The following SUGCT variants were observed in gnomAD, a reference collection of about 807,000 sequenced individuals.
SUGCT encodes the protein succinyl-CoA:glutarate-CoA transferase, also known as succinyl-CoA:glutarate CoA-transferase.
A neutral mutation model predicts 55.0 loss-of-function variants in SUGCT; 41 were observed. That is an observed-to-expected ratio of 0.74 (90% CI 0.58 to 0.97). The LOEUF is 0.97. Ranked by LOEUF, SUGCT falls within the 50% of genes least tolerant of loss-of-function variation. The pLI, the probability that SUGCT is intolerant of heterozygous loss-of-function variation, is 0.00. For synonymous variants in SUGCT, 187 were observed against 200.4 expected, an observed-to-expected ratio of 0.93 and a Z score of 0.56; for missense variants, 568 against 547.8, an observed-to-expected ratio of 1.04 and a Z score of -0.37.
At chr7:40,751,336 G>T (rs190522480) in intron 13 of SUGCT, among the ~76,000 whole-genome samples, 1 of 152,060 alleles carries the variant, frequency 6.6e-6, no homozygotes, top group Non-Finnish European at 1.5e-5. Context: ...GTTTTCTCTC[G>T]TTTTAAGTAG....
the SUGCT span, among the ~76,000 whole-genome samples, chr7:40,920,522 C>T: frequency 3.3e-5 from 5 of 152,162 alleles, no homozygotes; most frequent in Admixed American, 2.6e-4. Context: ...CATTTGGAAG[C>T]GAGGTGGTCC....
chr7:40,959,771 G>A, the SUGCT span, among the ~76,000 whole-genome samples: 2 of 152,140 alleles, frequency 1.3e-5, no homozygotes, highest in South Asian at 4.2e-4. Context: ...AGGTCACCCA[G>A]CTTTGTGCTT....
At chr7:40,176,904 C>T (rs918395328) in intron 1 of SUGCT, among the ~76,000 whole-genome samples, 2 of 132,016 alleles carry the variant, frequency 1.5e-5, no homozygotes, top group East Asian at 2.3e-4. Flanking sequence ...ACCTGGGAAG[C>T]GGAGATTGCA....
intron 12 of SUGCT, among the ~76,000 whole-genome samples, chr7:40,697,922 G>C (rs1461689910): frequency 6.6e-6 from 1 of 152,226 alleles, no homozygotes; most frequent in Admixed American, 6.5e-5. Context: ...ATACCCAGCA[G>C]AGAAGTTAAC....
At chr7:40,621,442 C>G (rs547706507) in intron 12 of SUGCT, among the ~76,000 whole-genome samples, 1 of 152,260 alleles carries the variant, frequency 6.6e-6, no homozygotes, top group Admixed American at 6.5e-5. Context: ...CGCACAAAGT[C>G]TCCAGGGAAG....
chr7:40,911,819 G>T, the SUGCT span, among the ~76,000 whole-genome samples: 378 of 152,230 alleles, frequency 2.5e-3, no homozygotes, highest in African/African-American at 8.6e-3. Context: ...TCTTGGTCTT[G>T]TTTCTTACAT....
At chr7:40,755,019 C>A (rs762971237) in intron 13 of SUGCT, among the ~76,000 whole-genome samples, 2 of 151,822 alleles carry the variant, frequency 1.3e-5, no homozygotes, top group Non-Finnish European at 2.9e-5. Flanking sequence ...TGCCTGGCAC[C>A]CTGGAGGAGC....
chr7:40,331,093 C>T (rs1027683373), intron 9 of SUGCT, among the ~76,000 whole-genome samples: 4 of 151,944 alleles, frequency 2.6e-5, no homozygotes, highest in Non-Finnish European at 4.4e-5. Flanking sequence ...AAAAAAATCT[C>T]GTAATATTGT....
intron 9 of SUGCT, among the ~76,000 whole-genome samples, chr7:40,340,828 G>A (rs1017998535): frequency 1.3e-5 from 2 of 152,066 alleles, no homozygotes; most frequent in African/African-American, 4.8e-5. Context: ...GTGCTCACGG[G>A]GAAAAAAGGA....
At chr7:40,405,202 A>G (rs1217005444) in intron 9 of SUGCT, among the ~76,000 whole-genome samples, 1 of 152,188 alleles carries the variant, frequency 6.6e-6, no homozygotes, top group African/African-American at 2.4e-5. Context: ...CAGTATACTC[A>G]TGGCTGGAAG....
At chr7:40,366,483 C>A (rs1240266175) in intron 9 of SUGCT, among the ~76,000 whole-genome samples, 2 of 152,028 alleles carry the variant, frequency 1.3e-5, no homozygotes, top group Admixed American at 6.6e-5. Context: ...AGGCAACCTA[C>A]AAAATGGGAG....
the SUGCT span, among the ~76,000 whole-genome samples, chr7:40,875,654 G>T: frequency 6.6e-6 from 1 of 152,190 alleles, no homozygotes; most frequent in Admixed American, 6.5e-5. Flanking sequence ...CTTCCTGTAA[G>T]TCTACAAGTG....
chr7:40,804,850 C>T (rs1791008121), intron 13 of SUGCT, among the ~76,000 whole-genome samples: 1 of 152,166 alleles, frequency 6.6e-6, no homozygotes. Flanking sequence ...GCTGATTCTG[C>T]ACCCATGTGG....
the SUGCT span, among the ~76,000 whole-genome samples, chr7:40,939,741 T>G: frequency 1.3e-5 from 2 of 152,184 alleles, no homozygotes; most frequent in African/African-American, 2.4e-5. Context: ...GATTGCATTT[T>G]TCTTGCTGAT....
chr7:40,757,456 C>T (rs1022903557), intron 13 of SUGCT, among the ~76,000 whole-genome samples: 2 of 152,170 alleles, frequency 1.3e-5, no homozygotes, highest in East Asian at 1.9e-4. Flanking sequence ...TCCTCATCAA[C>T]GTAGACCCTA....
At chr7:40,374,065 G>A (rs542117446) in intron 9 of SUGCT, among the ~76,000 whole-genome samples, 8 of 152,064 alleles carry the variant, frequency 5.3e-5, no homozygotes, top group Non-Finnish European at 8.8e-5. Context: ...GAGTTACATG[G>A]CACCTTACTT....
the SUGCT span, among the ~76,000 whole-genome samples, chr7:40,913,060 G>T: frequency 6.9e-6 from 1 of 144,998 alleles, no homozygotes; most frequent in Middle Eastern, 3.7e-3. Context: ...CGCTGGCCTG[G>T]AGTGCAGTGG....
chr7:40,479,663 T>C (rs886154110), intron 11 of SUGCT, among the ~76,000 whole-genome samples: 4 of 152,170 alleles, frequency 2.6e-5, no homozygotes, highest in Non-Finnish European at 5.9e-5. Context: ...AGAGTTCCCT[T>C]TTCTCTATGT....
chr7:40,448,352 C>A (rs1190373428), intron 9 of SUGCT, among the ~76,000 whole-genome samples: 3 of 151,426 alleles, frequency 2.0e-5, no homozygotes, highest in Non-Finnish European at 4.4e-5. Flanking sequence ...TGCTTTTTGC[C>A]CTACAGGGAA....
Sources: allele counts gnomAD v4.1 joint callset (sites outside exome capture counted in the v4.1 genomes callset), GRCh38; gene constraint gnomAD v4.1.1; transcripts MANE v1.5; gene names NCBI Gene and HGNC (gene_info 2026-07-23, HGNC 2026-07-21).